The following NALCN variants were observed in gnomAD, a reference collection of about 807,000 sequenced individuals.
The protein encoded by NALCN is sodium leak channel NALCN.
NALCN carries 111 observed loss-of-function variants against 225.3 expected under a neutral mutation model. The ratio of observed to expected loss-of-function variants is 0.49; its 90% confidence interval spans 0.42 to 0.58. The LOEUF is 0.58. Among genes scored for constraint, NALCN ranks in the 20% least tolerant of loss-of-function variants. The pLI is 0.00. For synonymous variants in NALCN, 764 were observed against 769.0 expected (o/e 0.99, Z 0.11); for missense variants, 1,378 against 2,202.4 (o/e 0.63, Z 7.49).
chr13:101,409,512 C>T (rs911486465), intron 1 of NALCN, among the ~76,000 whole-genome samples: 10 of 152,114 alleles, frequency 6.6e-5, no homozygotes, highest in Admixed American at 3.9e-4. Flanking sequence ...ATATATCCTA[C>T]TCTATATTAA....
intron 12 of NALCN, among the ~76,000 whole-genome samples, chr13:101,233,383 C>T (rs77791096): frequency 0.017 from 2,537 of 150,432 alleles, 82 homozygotes; most frequent in African/African-American, 0.06. Flanking sequence ...CTCTGTGGCC[C>T]AGGCTGGAGA....
At chr13:101,411,885 C>A (rs1186894156) in intron 1 of NALCN, among the ~76,000 whole-genome samples, 3 of 151,822 alleles carry the variant, frequency 2.0e-5, no homozygotes, top group Non-Finnish European at 2.9e-5. Context: ...TCACTTTTGA[C>A]TCATTTACAA....
intron 40 of NALCN, among the ~76,000 whole-genome samples, chr13:101,062,559 C>CCTCT (rs1179237044): frequency 1.3e-5 from 2 of 151,992 alleles, no homozygotes; most frequent in African/African-American, 2.4e-5. Flanking sequence ...ATCCCACTTC[C>CCTCT]CTCTCTGTTT....
At chr13:101,411,488 C>T (rs1340983678) in intron 1 of NALCN, among the ~76,000 whole-genome samples, 2 of 151,862 alleles carry the variant, frequency 1.3e-5, no homozygotes, top group African/African-American at 4.8e-5. Flanking sequence ...GCTGAGATTA[C>T]AGGTGCCCAC....
At chr13:101,145,766 C>T (rs1340576305) in intron 15 of NALCN, among the ~76,000 whole-genome samples, 2 of 152,138 alleles carry the variant, frequency 1.3e-5, no homozygotes, top group Non-Finnish European at 2.9e-5. Context: ...CACCCTTCCC[C>T]ACGTCTGCCC....
chr13:101,083,093 T>C lies in NALCN; in HGVS notation c.3689A>G (p.Lys1230Arg). 3 of 1,613,984 alleles carry C rather than the reference T, an allele frequency of 1.9e-6. No individual in the cohort carries two copies. The highest frequency in any genetic ancestry group is 2.5e-6 in the Non-Finnish European group (3 of 1,179,910). The change falls in exon 32 of 44, where the codon AAG becomes AGG. Residue 1230 changes from lysine (K) to arginine (R), a missense_variant and splice_region_variant. Coordinates refer to ENST00000251127, the MANE Select transcript of NALCN (RefSeq NM_052867.4). ...VLAQSVLLSV[K>R]WDVEDPVTVP... ...GAGTCTTAGGGTGAAACGAAGTACC[T>C]TGACAGAGAGCAACACCGACTGGGC...
At chr13:101,402,915 T>A (rs1566657276) in intron 1 of NALCN, among the ~76,000 whole-genome samples, 1 of 152,198 alleles carries the variant, frequency 6.6e-6, no homozygotes. Flanking sequence ...TTGCACCCAC[T>A]CTCAGCAGTG....
At chr13:101,356,247 GAAT>G (rs2046056402) in intron 6 of NALCN, among the ~76,000 whole-genome samples, 1 of 152,074 alleles carries the variant, frequency 6.6e-6, no homozygotes, top group South Asian at 2.1e-4. Flanking sequence ...AAAAATTAAT[GAAT>G]TCAGGAGCTA....
At chr13:101,074,733 A>G (rs1446356797) in intron 35 of NALCN, 71 bp from the exon 36 acceptor site, 11 of 1,487,980 alleles carry the variant, frequency 7.4e-6, no homozygotes, top group Non-Finnish European at 9.8e-6. Flanking sequence ...AGAGAGAGAG[A>G]GAGAGAGAGA....
chr13:101,367,418 T>A (rs1440638873), intron 6 of NALCN, among the ~76,000 whole-genome samples: 1 of 150,906 alleles, frequency 6.6e-6, no homozygotes, highest in Non-Finnish European at 1.5e-5. Flanking sequence ...TCTAACTAAT[T>A]ATTATTATTA....
intron 10 of NALCN, among the ~76,000 whole-genome samples, chr13:101,280,029 A>C (rs1250245834): frequency 6.6e-6 from 1 of 152,068 alleles, no homozygotes; most frequent in Non-Finnish European, 1.5e-5. Context: ...TTTCAGGACC[A>C]TTTTATCTTC....
chr13:101,086,450 G>A (rs2033936462), intron 30 of NALCN, among the ~76,000 whole-genome samples: 1 of 151,744 alleles, frequency 6.6e-6, no homozygotes, highest in African/African-American at 2.4e-5. Flanking sequence ...ATTATTTATA[G>A]TATTGTCTTA....
chr13:101,262,095 T>A (rs938900881), intron 10 of NALCN, among the ~76,000 whole-genome samples: 2 of 152,354 alleles, frequency 1.3e-5, no homozygotes, highest in African/African-American at 4.8e-5. Context: ...TTAGCATGAA[T>A]TGAAATGATC....
chr13:101,116,611 G>T, intron 18 of NALCN: 1 of 486,320 alleles, frequency 2.1e-6, no homozygotes, highest in South Asian at 1.5e-5. Context: ...AAAGGGAGAG[G>T]CCTATGAGTC....
intron 28 of NALCN, among the ~76,000 whole-genome samples, chr13:101,092,585 T>C (rs553706981): frequency 6.6e-6 from 1 of 152,200 alleles, no homozygotes; most frequent in Admixed American, 6.5e-5. Context: ...CAGTGTGTCT[T>C]CTCATCTGGT....
intron 3 of NALCN, 66 bp from the exon 4 acceptor site, chr13:101,378,719 A>G (rs1013578308): frequency 3.1e-6 from 4 of 1,307,706 alleles, no homozygotes; most frequent in African/African-American, 1.5e-5. Flanking sequence ...TCTGTGGAGG[A>G]AAATGTCAAA....
chr13:101,237,725 C>A (rs371623321), intron 12 of NALCN, 30 bp downstream of exon 12: 371 of 1,462,846 alleles, frequency 2.5e-4, no homozygotes, highest in Non-Finnish European at 3.2e-4. Flanking sequence ...AAATAAATTT[C>A]TAAAGACAAA....
chr13:101,223,010 C>T (rs1355073031), intron 13 of NALCN, among the ~76,000 whole-genome samples: 1 of 152,144 alleles, frequency 6.6e-6, no homozygotes, highest in Non-Finnish European at 1.5e-5. Flanking sequence ...AACATATCCC[C>T]TTCTTTTATC....
At chr13:101,249,450 C>T (rs915724245) in intron 11 of NALCN, among the ~76,000 whole-genome samples, 3 of 152,090 alleles carry the variant, frequency 2.0e-5, no homozygotes, top group Non-Finnish European at 2.9e-5. Context: ...ACTTCCCTAA[C>T]AAAATCAGAC....
Sources: gnomAD v4.1 joint callset for allele counts (sites outside exome capture counted in the v4.1 genomes callset) on GRCh38, gnomAD v4.1.1 for gene constraint, MANE v1.5 for transcripts, NCBI Gene and HGNC (gene_info 2026-07-23, HGNC 2026-07-21) for gene names.